The following XRCC4 variants were observed in gnomAD, a reference collection of about 807,000 sequenced individuals.
XRCC4 encodes DNA repair protein XRCC4.
Under a neutral mutation model 39.1 loss-of-function variants are expected in XRCC4, and 28 were observed. That is an observed-to-expected ratio of 0.72 (90% CI 0.53 to 0.98). XRCC4 has a LOEUF of 0.98. XRCC4 is among the 50% of genes least tolerant of loss of function. The pLI is 0.00. For synonymous variants in XRCC4, 123 were observed against 126.4 expected, an observed-to-expected ratio of 0.97 and a Z score of 0.18; for missense variants, 350 against 376.4, an observed-to-expected ratio of 0.93 and a Z score of 0.58.
intron 3 of XRCC4, among the ~76,000 whole-genome samples, chr5:83,133,543 C>T (rs543630146): frequency 1.3e-3 from 201 of 152,318 alleles, no homozygotes; most frequent in African/African-American, 4.7e-3. Context: ...CCACCCAGTT[C>T]GAGCTTTCTG....
At chr5:83,314,825 C>G (rs1413411546) in intron 7 of XRCC4, among the ~76,000 whole-genome samples, 1 of 152,080 alleles carries the variant, frequency 6.6e-6, no homozygotes, top group Non-Finnish European at 1.5e-5. Flanking sequence ...TGGCTGTCTG[C>G]TCATGTCCCT....
At chr5:83,217,263 A>G (rs560857250) in intron 6 of XRCC4, among the ~76,000 whole-genome samples, 30 of 149,970 alleles carry the variant, frequency 2.0e-4, no homozygotes, top group Non-Finnish European at 4.3e-4. Context: ...AAGCTGAGTC[A>G]GGAGAATTGC....
chr5:83,190,625 G>C (rs1273015787), intron 3 of XRCC4, among the ~76,000 whole-genome samples: 1 of 152,008 alleles, frequency 6.6e-6, no homozygotes, highest in African/African-American at 2.4e-5. Context: ...TATATTTTAA[G>C]CAGGATATCA....
Position 83,195,868 on chromosome 5 carries a change from A to G in XRCC4, c.414A>G (p.Gln138=). The G allele has an allele frequency of 6.2e-7, 1 of 1,612,214 alleles. No individual in the cohort carries two copies. Among genetic ancestry groups the G allele is most frequent in the African/African-American group, 1.3e-5 (1 of 75,022 alleles). Residue 138 remains glutamine (Q), a synonymous_variant, in exon 4 of 8, where the codon CAA becomes CAG. Coordinates refer to ENST00000396027, the MANE Select transcript of XRCC4 (RefSeq NM_003401.5). The stretch of plus-strand genomic sequence containing the variant: ...GCTTGGACACCATTGCAGAAAATCA[A>G]GCCAAAAATGAGCACCTGCAGAAAG... ...CYCLDTIAEN[Q]AKNEHLQKEN...
intron 3 of XRCC4, among the ~76,000 whole-genome samples, chr5:83,160,707 G>A (rs1189351171): frequency 1.3e-5 from 2 of 152,058 alleles, no homozygotes; most frequent in East Asian, 1.9e-4. Flanking sequence ...TTTGGGTAAG[G>A]TTTCTTCTTT....
At chr5:83,123,945 T>C (rs1747134534) in intron 3 of XRCC4, among the ~76,000 whole-genome samples, 1 of 152,134 alleles carries the variant, frequency 6.6e-6, no homozygotes, top group Non-Finnish European at 1.5e-5. Context: ...TGAAATAACT[T>C]TAGAGTCGAA....
intron 6 of XRCC4, among the ~76,000 whole-genome samples, chr5:83,207,213 A>G (rs1452900682): frequency 6.6e-6 from 1 of 152,160 alleles, no homozygotes; most frequent in Non-Finnish European, 1.5e-5. Context: ...TATCTTACCA[A>G]TATTTGAAGT....
chr5:83,113,292 T>C (rs1746537163), intron 3 of XRCC4, among the ~76,000 whole-genome samples: 1 of 152,212 alleles, frequency 6.6e-6, no homozygotes, highest in Non-Finnish European at 1.5e-5. Flanking sequence ...ATCCAGGTGA[T>C]GCTAATGCAA....
chr5:83,304,615 G>GA (rs1755413281), intron 7 of XRCC4, among the ~76,000 whole-genome samples: 1 of 152,108 alleles, frequency 6.6e-6, no homozygotes, highest in South Asian at 2.1e-4. Flanking sequence ...TCTTCTACCA[G>GA]AAAATGAAGA....
intron 6 of XRCC4, among the ~76,000 whole-genome samples, chr5:83,214,061 C>T (rs1213919614): frequency 1.3e-5 from 2 of 152,156 alleles, no homozygotes; most frequent in East Asian, 3.9e-4. Context: ...ACTTCCTTAA[C>T]CTAATAAAGG....
chr5:83,260,344 G>T (rs577226317), intron 7 of XRCC4, among the ~76,000 whole-genome samples: 1 of 152,098 alleles, frequency 6.6e-6, no homozygotes, highest in Non-Finnish European at 1.5e-5. Flanking sequence ...AGACAAGTGA[G>T]TAATGAGTTG....
chr5:83,254,509 A>C (rs985988679), intron 6 of XRCC4, among the ~76,000 whole-genome samples: 15 of 152,200 alleles, frequency 9.9e-5, no homozygotes, highest in Non-Finnish European at 1.5e-4. Context: ...TTTAACAATG[A>C]GATGCCAGAC....
intron 1 of XRCC4, 139 bp from the exon 2 acceptor site, chr5:83,104,771 G>T: frequency 1.6e-6 from 1 of 631,886 alleles, no homozygotes. Flanking sequence ...GAATCTAATG[G>T]TTGAACCTAT....
chr5:83,094,423 C>A (rs1380174204), intron 1 of XRCC4, among the ~76,000 whole-genome samples: 1 of 143,722 alleles, frequency 7.0e-6, no homozygotes, highest in Non-Finnish European at 1.5e-5. Context: ...CTCCCCTCTT[C>A]TTTCCTTTCC....
At chr5:83,152,258 G>GT in intron 3 of XRCC4, among the ~76,000 whole-genome samples, 1 of 152,150 alleles carries the variant, frequency 6.6e-6, no homozygotes, top group East Asian at 1.9e-4. Context: ...AGTGTTTAAG[G>GT]TTTTTTAGGC....
chr5:83,337,621 T>A (rs1046208616), intron 7 of XRCC4, among the ~76,000 whole-genome samples: 10 of 152,178 alleles, frequency 6.6e-5, no homozygotes, highest in African/African-American at 2.4e-4. Context: ...CCCAGCTTTC[T>A]AGTGTTCTCA....
chr5:83,286,862 T>C (rs1379132352), intron 7 of XRCC4, among the ~76,000 whole-genome samples: 2 of 152,036 alleles, frequency 1.3e-5, no homozygotes, highest in Non-Finnish European at 2.9e-5. Context: ...ACTGACGATG[T>C]GCATGTAAAG....
At chr5:83,306,158 C>T (rs1417448661) in intron 7 of XRCC4, among the ~76,000 whole-genome samples, 1 of 151,904 alleles carries the variant, frequency 6.6e-6, no homozygotes, top group Non-Finnish European at 1.5e-5. Flanking sequence ...AACATGTGGT[C>T]CTCATCAAGT....
chr5:83,239,905 C>T (rs1205954742), intron 6 of XRCC4, among the ~76,000 whole-genome samples: 1 of 151,852 alleles, frequency 6.6e-6, no homozygotes, highest in Non-Finnish European at 1.5e-5. Context: ...TACCTATAAT[C>T]CCAGCACTTT....
Sources: allele counts gnomAD v4.1 joint callset (sites outside exome capture counted in the v4.1 genomes callset), GRCh38; gene constraint gnomAD v4.1.1; transcripts MANE v1.5; gene names NCBI Gene and HGNC (gene_info 2026-07-23, HGNC 2026-07-21).